Variants in TRUB1 observed in about 807,000 individuals in gnomAD.
TRUB1 encodes the protein pseudouridylate synthase TRUB1.
A neutral mutation model predicts 33.9 loss-of-function variants in TRUB1; 23 were observed. The observed-to-expected ratio is 0.68, with a 90% CI of 0.49 to 0.96. The LOEUF is 0.96. TRUB1 is among the 40% of genes least tolerant of loss of function. The pLI, the probability that TRUB1 is intolerant of heterozygous loss-of-function variation, is 0.00. For synonymous variants in TRUB1, 163 were observed against 165.4 expected, an observed-to-expected ratio of 0.99 and a Z score of 0.11; for missense variants, 378 against 422.2, an observed-to-expected ratio of 0.90 and a Z score of 0.92.
At chr10:114,953,843 G>T (rs930893416) in intron 3 of TRUB1, among the ~76,000 whole-genome samples, 1 of 152,080 alleles carries the variant, frequency 6.6e-6, no homozygotes, top group Admixed American at 6.6e-5. Flanking sequence ...GAGGTGCCAG[G>T]CTCTTTTAAA....
At chr10:114,960,011 T>A in intron 4 of TRUB1, 2 of 516,938 alleles carry the variant, frequency 3.9e-6, no homozygotes, top group South Asian at 2.8e-5. Context: ...TGATTGCCTC[T>A]TTTTCTATAG....
chr10:114,952,466 TA>T (rs1343534112), intron 3 of TRUB1, among the ~76,000 whole-genome samples: 1 of 75,406 alleles, frequency 1.3e-5, no homozygotes, highest in Admixed American at 1.2e-4. Flanking sequence ...GTAAGGTAGG[TA>T]GGTAGGTAGG....
intron 6 of TRUB1, 135 bp from the exon 7 acceptor site, chr10:114,974,194 T>C: frequency 1.4e-6 from 1 of 692,322 alleles, no homozygotes; most frequent in Admixed American, 2.4e-5. Context: ...GAATAATTTA[T>C]GTTTTAGTGC....
intron 2 of TRUB1, among the ~76,000 whole-genome samples, chr10:114,950,008 C>T (rs565137248): frequency 4.7e-5 from 7 of 150,276 alleles, no homozygotes; most frequent in Admixed American, 2.7e-4. Flanking sequence ...AAGCGATTCT[C>T]CTGCCTTAGC....
At chr10:114,974,685 A>G (rs2084352123) in intron 7 of TRUB1, among the ~76,000 whole-genome samples, 1 of 147,050 alleles carries the variant, frequency 6.8e-6, no homozygotes, top group Non-Finnish European at 1.5e-5. Context: ...CTAGGGATCA[A>G]AAAAAAAAAA....
chr10:114,943,427 G>A (rs2084197928), intron 2 of TRUB1, among the ~76,000 whole-genome samples: 1 of 152,202 alleles, frequency 6.6e-6, no homozygotes, highest in South Asian at 2.1e-4. Flanking sequence ...CTACTTGGGA[G>A]GCTGAGGCAG....
intron 6 of TRUB1, among the ~76,000 whole-genome samples, chr10:114,973,365 A>G (rs1439402806): frequency 6.6e-6 from 1 of 152,184 alleles, no homozygotes; most frequent in Non-Finnish European, 1.5e-5. Context: ...GTAACGGGCC[A>G]AAAGAGCTGT....
intron 2 of TRUB1, among the ~76,000 whole-genome samples, chr10:114,943,550 A>C (rs1438026893): frequency 2.6e-5 from 4 of 152,108 alleles, no homozygotes; most frequent in African/African-American, 9.6e-5. Flanking sequence ...AACAAAACAA[A>C]ACACAGCTTT....
At chr10:114,945,058 T>A (rs1219895490) in intron 2 of TRUB1, among the ~76,000 whole-genome samples, 1 of 152,250 alleles carries the variant, frequency 6.6e-6, no homozygotes, top group Non-Finnish European at 1.5e-5. Flanking sequence ...TCATAAGTTC[T>A]ATAGTTTAAT....
intron 3 of TRUB1, 32 bp from the exon 4 acceptor site, chr10:114,959,694 G>A: frequency 6.8e-7 from 1 of 1,462,624 alleles, no homozygotes; most frequent in Non-Finnish European, 9.6e-7. Flanking sequence ...TTGCCTCACG[G>A]CCCATTTTCT....
intron 3 of TRUB1, among the ~76,000 whole-genome samples, chr10:114,954,473 C>T (rs2084252940): frequency 6.6e-6 from 1 of 152,174 alleles, no homozygotes; most frequent in Non-Finnish European, 1.5e-5. Context: ...CATTATTTTG[C>T]TTCCATCTGT....
intron 2 of TRUB1, among the ~76,000 whole-genome samples, chr10:114,943,163 T>C (rs2084196065): frequency 6.6e-6 from 1 of 152,218 alleles, no homozygotes; most frequent in Admixed American, 6.5e-5. Context: ...GCTTTCCTTC[T>C]AGGAATCTGG....
At chr10:114,948,526 G>A (rs1194419864) in intron 2 of TRUB1, among the ~76,000 whole-genome samples, 1 of 152,174 alleles carries the variant, frequency 6.6e-6, no homozygotes, top group Admixed American at 6.5e-5. Context: ...AAAATGCCGA[G>A]TAAAAATTCT....
chr10:114,970,777 C>G (rs2084333268), intron 5 of TRUB1, among the ~76,000 whole-genome samples: 2 of 152,308 alleles, frequency 1.3e-5, no homozygotes, highest in South Asian at 2.1e-4. Context: ...AGGGACCAGT[C>G]CCGTCTGGGA....
Position 114,975,495 on chromosome 10 carries a change from G to A in TRUB1, c.*116G>A, listed in dbSNP as rs1360161652. The A allele has an allele frequency of 1.9e-6, 2 of 1,040,436 alleles. No homozygotes were observed. Among genetic ancestry groups the A allele is most frequent in the African/African-American group, 3.3e-5 (2 of 61,380 alleles). The allele number at this position is 1,040,436 out of a possible 1,614,324, so 64.5% of individuals were successfully genotyped here. A position where few individuals can be genotyped will look rare whatever the true frequency, so the allele number is the denominator to read the frequency against. Reference sequence around the variant, plus strand: ...TATGTCTTTTTTTTTTTTGCATGAAGAAAAATGTCTATCATTTACAGTTTC... The same window carrying A: ...TATGTCTTTTTTTTTTTTGCATGAAAAAAAATGTCTATCATTTACAGTTTC... On this transcript the variant is annotated 3_prime_UTR_variant, in exon 8 of 8. Coordinates refer to ENST00000298746, the MANE Select transcript of TRUB1 (RefSeq NM_139169.5).
At chr10:114,942,563 TC>T (rs2084192759) in intron 1 of TRUB1, 81 bp from the exon 2 acceptor site, 1 of 882,864 alleles carries the variant, frequency 1.1e-6, no homozygotes. Context: ...GAAAATGCCA[TC>T]CCCTTTTCCT....
At chr10:114,964,769 C>T (rs1234178354) in intron 4 of TRUB1, among the ~76,000 whole-genome samples, 1 of 151,440 alleles carries the variant, frequency 6.6e-6, no homozygotes, top group Non-Finnish European at 1.5e-5. Context: ...CAAGCACCCA[C>T]TTAGGCTATT....
intron 3 of TRUB1, among the ~76,000 whole-genome samples, chr10:114,952,642 A>C (rs2084242338): frequency 6.6e-6 from 1 of 152,204 alleles, no homozygotes; most frequent in Non-Finnish European, 1.5e-5. Context: ...ATTCAATTGG[A>C]AGGAATCTTA....
chr10:114,957,279 T>C (rs1280517070), intron 3 of TRUB1, among the ~76,000 whole-genome samples: 1 of 152,196 alleles, frequency 6.6e-6, no homozygotes, highest in Admixed American at 6.5e-5. Context: ...ATGTGTGATA[T>C]GTGTGATATG....
Sources: allele counts gnomAD v4.1 joint callset (sites outside exome capture counted in the v4.1 genomes callset), GRCh38; gene constraint gnomAD v4.1.1; transcripts MANE v1.5; gene names NCBI Gene and HGNC (gene_info 2026-07-23, HGNC 2026-07-21).